Variants in TMEM132D observed in about 807,000 individuals in gnomAD.
The protein encoded by TMEM132D is mature OL transmembrane protein.
TMEM132D carries 21 observed loss-of-function variants against 62.3 expected under a neutral mutation model. The ratio of observed to expected loss-of-function variants is 0.34; its 90% CI spans 0.24 to 0.49. TMEM132D has a LOEUF of 0.49. Ranked by LOEUF, TMEM132D falls within the 20% of genes least tolerant of loss-of-function variation. TMEM132D has a pLI of 0.99. For synonymous variants in TMEM132D, 621 were observed against 575.6 expected (o/e 1.08, Z -1.13); for missense variants, 1,346 against 1,402.8 (o/e 0.96, Z 0.65).
intron 5 of TMEM132D, 97 bp from the exon 6 acceptor site, chr12:129,084,799 A>T: frequency 8.2e-7 from 1 of 1,215,530 alleles, no homozygotes; most frequent in Non-Finnish European, 1.2e-6. Flanking sequence ...TGGCTGGTGG[A>T]GGTGCTTCCC....
chr12:129,163,837 G>A (rs1340673748), intron 5 of TMEM132D, among the ~76,000 whole-genome samples: 1 of 152,174 alleles, frequency 6.6e-6, no homozygotes, highest in Admixed American at 6.5e-5. Context: ...GCGATAATTG[G>A]CTACTTTATT....
intron 2 of TMEM132D, among the ~76,000 whole-genome samples, chr12:129,532,416 T>C (rs1440679764): frequency 2.0e-5 from 3 of 152,196 alleles, no homozygotes; most frequent in Non-Finnish European, 4.4e-5. Context: ...CTGCTATTAA[T>C]ATTAGGGACA....
intron 4 of TMEM132D, among the ~76,000 whole-genome samples, chr12:129,238,810 T>C (rs533015978): frequency 6.6e-6 from 1 of 152,362 alleles, no homozygotes; most frequent in South Asian, 2.1e-4. Context: ...TATCCCTTTG[T>C]GACCTTGCTG....
chr12:129,708,435 C>T (rs1881555673), intron 1 of TMEM132D, among the ~76,000 whole-genome samples: 1 of 152,038 alleles, frequency 6.6e-6, no homozygotes. Context: ...GGATTCTCAA[C>T]CTCAGCACTG....
intron 4 of TMEM132D, among the ~76,000 whole-genome samples, chr12:129,318,328 T>C (rs909944090): frequency 1.3e-5 from 2 of 152,182 alleles, no homozygotes; most frequent in Admixed American, 6.5e-5. Context: ...TTTTGTCCCA[T>C]GGGGTAGTCC....
At chr12:129,422,627 G>A (rs752068270) in intron 3 of TMEM132D, among the ~76,000 whole-genome samples, 10 of 152,052 alleles carry the variant, frequency 6.6e-5, no homozygotes, top group South Asian at 2.1e-4. Flanking sequence ...AATTAATCTC[G>A]CCATGTCTAT....
At position 129,725,535 on chromosome 12, in the gene TMEM132D, G is replaced by A. The variant is rs147804515; in HGVS notation, c.80-24837C>T. On this transcript the variant is annotated intron_variant, in intron 1 of 8. Transcript: ENST00000422113. ...CCTATCTATTAAGTGCTAGGTGTTG[G>A]GAATACAGCAGTGAGCAAACTCAAC... Among the ~76,000 whole-genome samples the A allele has an allele frequency of 8.7e-4, 133 of 152,288 alleles. 2 individuals are homozygous for A. In the East Asian group the frequency reaches 0.019, roughly 22 times the overall value.
At chr12:129,122,344 T>G (rs182371418) in intron 5 of TMEM132D, among the ~76,000 whole-genome samples, 1 of 152,114 alleles carries the variant, frequency 6.6e-6, no homozygotes, top group African/African-American at 2.4e-5. Flanking sequence ...TTAACAGAGT[T>G]TTTCTGCTCT....
chr12:129,274,135 C>T (rs563468792), intron 4 of TMEM132D, among the ~76,000 whole-genome samples: 20 of 151,766 alleles, frequency 1.3e-4, no homozygotes, highest in Non-Finnish European at 2.6e-4. Flanking sequence ...GAGATGATGC[C>T]GGAAGTCTTA....
At chr12:129,850,535 G>C (rs1873506179) in intron 1 of TMEM132D, among the ~76,000 whole-genome samples, 1 of 152,220 alleles carries the variant, frequency 6.6e-6, no homozygotes, top group African/African-American at 2.4e-5. Flanking sequence ...CTCAGGGTGG[G>C]TGAGGGTTGG....
At chr12:129,807,038 A>C (rs955290476) in intron 1 of TMEM132D, among the ~76,000 whole-genome samples, 5 of 152,184 alleles carry the variant, frequency 3.3e-5, no homozygotes, top group African/African-American at 1.2e-4. Flanking sequence ...TATCTAAATA[A>C]ATGAATGAAT....
At chr12:129,429,036 T>C (rs185143493) in intron 3 of TMEM132D, among the ~76,000 whole-genome samples, 71 of 152,332 alleles carry the variant, frequency 4.7e-4, no homozygotes, top group African/African-American at 1.6e-3. Flanking sequence ...TTACTCACTG[T>C]AGTCCAAAGT....
At chr12:129,550,129 T>C (rs1243138200) in intron 2 of TMEM132D, among the ~76,000 whole-genome samples, 2 of 152,178 alleles carry the variant, frequency 1.3e-5, no homozygotes, top group East Asian at 1.9e-4. Context: ...GAAAGATTAA[T>C]AGAGTAGAAC....
intron 3 of TMEM132D, among the ~76,000 whole-genome samples, chr12:129,456,412 G>A (rs1157801091): frequency 2.0e-5 from 3 of 152,122 alleles, no homozygotes; most frequent in African/African-American, 7.2e-5. Flanking sequence ...TCCCACTACT[G>A]GTGAAGCTGT....
At chr12:129,638,566 C>CATATATAAATTTTATATAA in intron 2 of TMEM132D, among the ~76,000 whole-genome samples, 1 of 109,732 alleles carries the variant, frequency 9.1e-6, no homozygotes, top group East Asian at 2.7e-4. Flanking sequence ...AATATATAAA[C>CATATATAAATTTTATATAA]ATATATAAAT....
intron 1 of TMEM132D, among the ~76,000 whole-genome samples, chr12:129,755,501 G>A (rs943438147): frequency 2.6e-5 from 4 of 152,142 alleles, no homozygotes; most frequent in Admixed American, 6.5e-5. Flanking sequence ...GGGAGTGGGA[G>A]CCCCCTGTGA....
At chr12:129,381,152 C>T (rs541841652) in intron 3 of TMEM132D, among the ~76,000 whole-genome samples, 1 of 152,292 alleles carries the variant, frequency 6.6e-6, no homozygotes. Context: ...CCAGGTAATT[C>T]CAGAAGCCCA....
At chr12:129,494,745 A>G (rs1044843790) in intron 3 of TMEM132D, among the ~76,000 whole-genome samples, 1 of 152,076 alleles carries the variant, frequency 6.6e-6, no homozygotes, top group Non-Finnish European at 1.5e-5. Flanking sequence ...CAACTGAATA[A>G]AATCGGAAGT....
intron 1 of TMEM132D, among the ~76,000 whole-genome samples, chr12:129,757,305 A>G (rs1034554871): frequency 1.1e-4 from 16 of 152,170 alleles, no homozygotes; most frequent in African/African-American, 3.9e-4. Flanking sequence ...TTAAAGAATA[A>G]CCCATTATGA....
Sources: gnomAD v4.1 joint callset for allele counts (sites outside exome capture counted in the v4.1 genomes callset) on GRCh38, gnomAD v4.1.1 for gene constraint, MANE v1.5 for transcripts, NCBI Gene and HGNC (gene_info 2026-07-23, HGNC 2026-07-21) for gene names.